Variants in POLN observed in about 807,000 individuals in gnomAD.
POLN encodes DNA polymerase N.
In POLN, 108 loss-of-function variants were observed where a neutral mutation model predicts 113.5. That is an observed-to-expected ratio of 0.95 (90% CI 0.81 to 1.12). The LOEUF is 1.12. Ranked by LOEUF, POLN falls within the 50% of genes most tolerant of loss-of-function variation. POLN has a pLI of 0.00. For synonymous variants in POLN, 386 were observed against 391.5 expected, an observed-to-expected ratio of 0.99 and a Z score of 0.17; for missense variants, 1,097 against 1,077.1, an observed-to-expected ratio of 1.02 and a Z score of -0.26.
intron 3 of POLN, among the ~76,000 whole-genome samples, chr4:2,220,997 A>G (rs1734239055): frequency 6.6e-6 from 1 of 152,174 alleles, no homozygotes; most frequent in Admixed American, 6.5e-5. Context: ...GTATTATTAC[A>G]TAATGACGGA....
chr4:2,139,709 T>C (rs1272387554), intron 16 of POLN: 1 of 152,276 alleles, frequency 6.6e-6, no homozygotes, highest in African/African-American at 2.4e-5. Context: ...TATGAACACC[T>C]TGCTAATAAA....
intron 13 of POLN, among the ~76,000 whole-genome samples, chr4:2,164,494 T>A (rs1732677691): frequency 8.2e-6 from 1 of 121,714 alleles, no homozygotes; most frequent in African/African-American, 3.5e-5. Flanking sequence ...AGAGTGAAAC[T>A]CTGTCTCAAA....
At chr4:2,105,453 C>A (rs1441833075) in intron 19 of POLN, among the ~76,000 whole-genome samples, 2 of 152,102 alleles carry the variant, frequency 1.3e-5, no homozygotes, top group East Asian at 3.9e-4. Flanking sequence ...TGCTCCCTAC[C>A]AAGAACCCAC....
intron 5 of POLN, among the ~76,000 whole-genome samples, chr4:2,202,840 C>A (rs1733751614): frequency 6.6e-6 from 1 of 151,572 alleles, no homozygotes; most frequent in African/African-American, 2.4e-5. Flanking sequence ...CTGAAGTGCC[C>A]AAATTTCTAA....
At chr4:2,160,783 C>T (rs1247957188) in intron 13 of POLN, among the ~76,000 whole-genome samples, 1 of 152,062 alleles carries the variant, frequency 6.6e-6, no homozygotes, top group African/African-American at 2.4e-5. Context: ...ATCAAGTTTT[C>T]CCTTTATGGT....
At chr4:2,128,278 G>C (rs543838782) in intron 18 of POLN, 51 bp from the exon 19 acceptor site, 6 of 1,247,752 alleles carry the variant, frequency 4.8e-6, no homozygotes, top group Non-Finnish European at 6.9e-6. Context: ...AATGTTCCTC[G>C]TGTTTGCTGC....
intron 2 of POLN, chr4:2,232,006 T>A (rs1232943043): frequency 6.6e-7 from 1 of 1,508,860 alleles, no homozygotes; most frequent in Non-Finnish European, 9.2e-7. Context: ...ATCTTCATCT[T>A]TTAAAAAATA....
At position 2,093,404 on chromosome 4, in the gene POLN, T is replaced by C. The variant is rs1249516604; in HGVS notation, c.2065+2447A>G. On this transcript the variant is annotated intron_variant, in intron 20 of 25. Coordinates refer to ENST00000511885, the MANE Select transcript of POLN (RefSeq NM_181808.4). This position sits in a 1 kb window ranked among gnomAD's most constrained non-coding sequence, Gnocchi z 4.1. Reference sequence around the variant, plus strand: ...GCAGATGACAGAGATGAGAGCTGACTGTGTGCCAGGTATGGCCCCATGCAC... The same window carrying C: ...GCAGATGACAGAGATGAGAGCTGACCGTGTGCCAGGTATGGCCCCATGCAC... Among the ~76,000 whole-genome samples the C allele has an allele frequency of 6.6e-6, 1 of 152,210 alleles. No homozygotes were observed. Among genetic ancestry groups the C allele is most frequent in the African/African-American group, 2.4e-5 (1 of 41,452 alleles).
intron 20 of POLN, among the ~76,000 whole-genome samples, chr4:2,091,780 T>C (rs1374255408): frequency 9.9e-6 from 1 of 101,206 alleles, no homozygotes; most frequent in African/African-American, 4.6e-5. Context: ...TGTGTGTGTG[T>C]GTGTGTGTGT....
intron 20 of POLN, among the ~76,000 whole-genome samples, chr4:2,094,455 C>T (rs1314229101): frequency 6.6e-6 from 1 of 152,154 alleles, no homozygotes. Context: ...AGCCAACACC[C>T]TGACTGCAGC....
intron 16 of POLN, among the ~76,000 whole-genome samples, chr4:2,135,021 G>A (rs1007861296): frequency 7.9e-5 from 12 of 152,178 alleles, no homozygotes; most frequent in African/African-American, 2.4e-4. Context: ...AAAGCACCAC[G>A]ATATGCAGCC....
intron 19 of POLN, among the ~76,000 whole-genome samples, chr4:2,104,945 G>A (rs1401110706): frequency 6.6e-6 from 1 of 152,214 alleles, no homozygotes; most frequent in Non-Finnish European, 1.5e-5. Flanking sequence ...AGCGTGCACA[G>A]GTGGGGGCAC....
rs147305111 is a variant in POLN at position 2,220,163 on chromosome 4, C to G, written c.134-7037G>C. 1.1e-4 allele frequency among the ~76,000 whole-genome samples: 17 copies of G among 152,300 alleles called. No homozygotes were observed. In the East Asian group the frequency reaches 3.3e-3, roughly 29 times the overall value. ...CCCACGCCCTACAGAAAATACACCT[C>G]CTTTGCCACCTGGCACGATGTTAAG... On this transcript the variant is annotated intron_variant, in intron 3 of 25. Transcript: ENST00000511885.
chr4:2,165,148 T>C (rs1732699002), intron 13 of POLN, among the ~76,000 whole-genome samples: 1 of 152,240 alleles, frequency 6.6e-6, no homozygotes, highest in African/African-American at 2.4e-5. Flanking sequence ...TCCGCTTTAT[T>C]TGTAATTGCC....
chr4:2,210,651 G>A (rs989913418), intron 4 of POLN, among the ~76,000 whole-genome samples: 3 of 148,302 alleles, frequency 2.0e-5, no homozygotes, highest in Non-Finnish European at 4.5e-5. Context: ...GGCCGGGCAT[G>A]GTGGCTCACG....
intron 8 of POLN, 51 bp from the exon 9 acceptor site, chr4:2,176,385 G>A (rs1185891004): frequency 7.3e-7 from 1 of 1,360,554 alleles, no homozygotes; most frequent in Non-Finnish European, 1.0e-6. Flanking sequence ...TGGTGGCAGT[G>A]CTCACCACAG....
At chr4:2,164,229 T>A (rs146087275) in intron 13 of POLN, among the ~76,000 whole-genome samples, 1 of 152,172 alleles carries the variant, frequency 6.6e-6, no homozygotes, top group Admixed American at 6.5e-5. Context: ...TGGCTGGGCA[T>A]GGTGGCTCAC....
chr4:2,198,091 A>T (rs1308292911), intron 6 of POLN, among the ~76,000 whole-genome samples: 1 of 152,184 alleles, frequency 6.6e-6, no homozygotes, highest in Non-Finnish European at 1.5e-5. Flanking sequence ...ACAGACATGG[A>T]GCTTTGAAAC....
At chr4:2,102,131 G>T (rs1434557847) in intron 19 of POLN, among the ~76,000 whole-genome samples, 1 of 152,142 alleles carries the variant, frequency 6.6e-6, no homozygotes, top group African/African-American at 2.4e-5. Flanking sequence ...CCAGGGGCCT[G>T]GGGATTGCCA....
Sources: gnomAD v4.1 joint callset for allele counts (sites outside exome capture counted in the v4.1 genomes callset) on GRCh38, gnomAD v4.1.1 for gene constraint, Gnocchi (gnomAD v3.1) non-coding constraint, MANE v1.5 for transcripts, NCBI Gene and HGNC (gene_info 2026-07-23, HGNC 2026-07-21) for gene names.